Variants in PTPRT observed in about 807,000 individuals in gnomAD.
PTPRT encodes the protein receptor-type tyrosine-protein phosphatase T.
A neutral mutation model predicts 176.8 loss-of-function variants in PTPRT; 56 were observed. That is an observed-to-expected ratio of 0.32 (90% CI 0.26 to 0.40). The LOEUF is 0.40. Among genes scored for constraint, PTPRT ranks in the 10% least tolerant of loss-of-function variants. The pLI is 1.00. For synonymous variants in PTPRT, 783 were observed against 739.0 expected (o/e 1.06, Z -0.96); for missense variants, 1,540 against 1,908.2 (o/e 0.81, Z 3.60).
intron 15 of PTPRT, among the ~76,000 whole-genome samples, chr20:42,221,093 C>T (rs942357637): frequency 6.6e-6 from 1 of 152,138 alleles, no homozygotes; most frequent in Non-Finnish European, 1.5e-5. Flanking sequence ...CTCCGCTTCC[C>T]GGGTTCAAGA....
intron 1 of PTPRT, among the ~76,000 whole-genome samples, chr20:42,976,718 A>G (rs1982978679): frequency 6.6e-6 from 1 of 152,154 alleles, no homozygotes; most frequent in African/African-American, 2.4e-5. Flanking sequence ...GTTTATTATT[A>G]TGGAATACTA....
intron 7 of PTPRT, among the ~76,000 whole-genome samples, chr20:42,526,049 T>A (rs2072262712): frequency 6.6e-6 from 1 of 152,144 alleles, no homozygotes; most frequent in Admixed American, 6.5e-5. Flanking sequence ...ATTGATATGT[T>A]TGCTTGTACA....
At chr20:42,184,354 T>C (rs1018387723) in intron 16 of PTPRT, among the ~76,000 whole-genome samples, 14 of 152,176 alleles carry the variant, frequency 9.2e-5, no homozygotes, top group African/African-American at 3.4e-4. Context: ...AACTTCTCTA[T>C]GATGTTTTCT....
intron 21 of PTPRT, among the ~76,000 whole-genome samples, chr20:42,117,674 T>A (rs1987357705): frequency 6.6e-6 from 1 of 152,056 alleles, no homozygotes. Context: ...ATATTGACAA[T>A]ATCACTATTG....
At chr20:42,803,763 AG>A (rs567870367) in intron 2 of PTPRT, among the ~76,000 whole-genome samples, 87 of 152,338 alleles carry the variant, frequency 5.7e-4, no homozygotes, top group Non-Finnish European at 1.2e-3. Flanking sequence ...CATGTTGGCC[AG>A]GTTGGTCTAG....
rs144998689 is a variant in PTPRT at position 42,978,803 on chromosome 20, G to A, written c.89-92871C>T. Among the ~76,000 whole-genome samples, 194 of 152,268 alleles carry A rather than the reference G, an allele frequency of 1.3e-3. 2 individuals carry two copies. Among genetic ancestry groups the A allele is most frequent in the African/African-American group, 4.4e-3 (184 of 41,554 alleles). On this transcript the variant is annotated intron_variant, in intron 1 of 30. Transcript: ENST00000373187. Reference sequence around the variant, plus strand: ...GACAGTTTACGAATGCCATGGCAACGTCAGGAAGTTACCCTATATGGTCTA... The same window carrying A: ...GACAGTTTACGAATGCCATGGCAACATCAGGAAGTTACCCTATATGGTCTA...
At position 42,363,552 on chromosome 20, in the gene PTPRT, A is replaced by C. The variant is rs527399662; in HGVS notation, c.1561-11267T>G. ...TTCAAACTCCTGACCTCAGGTGATC[A>C]GCCCGCCTCGGCCTCCCAAAGTGCT... On this transcript the variant is annotated intron_variant, in intron 9 of 30. Transcript: ENST00000373187. Among the ~76,000 whole-genome samples, 12 of 151,524 alleles carry C rather than the reference A, an allele frequency of 7.9e-5. No homozygotes were observed. In the South Asian group the frequency reaches 1.7e-3, roughly 21 times the overall value.
chr20:42,497,999 T>C (rs1216641844), intron 7 of PTPRT, among the ~76,000 whole-genome samples: 1 of 152,160 alleles, frequency 6.6e-6, no homozygotes, highest in Non-Finnish European at 1.5e-5. Context: ...TCTTTTGTAA[T>C]GTCATGACTT....
At chr20:42,089,033 G>A (rs555442038) in intron 27 of PTPRT, among the ~76,000 whole-genome samples, 17 of 152,218 alleles carry the variant, frequency 1.1e-4, no homozygotes, top group African/African-American at 3.9e-4. Flanking sequence ...GCTTCAGAAC[G>A]CAATGATGCC....
chr20:43,091,562 C>A (rs2011873763), intron 1 of PTPRT, among the ~76,000 whole-genome samples: 4 of 151,732 alleles, frequency 2.6e-5, no homozygotes, highest in Non-Finnish European at 5.9e-5. Context: ...CACAAACACA[C>A]ACACATACAG....
chr20:42,575,574 T>C (rs780179221), intron 7 of PTPRT, among the ~76,000 whole-genome samples: 1 of 152,150 alleles, frequency 6.6e-6, no homozygotes. Flanking sequence ...AGACAAATAT[T>C]TTCTGTAAAG....
In PTPRT at chr20:42,352,228, C is replaced by A. The variant is rs2145524710; in HGVS notation, c.1618G>T (p.Gly540Trp). Residue 540 changes from glycine (G) to tryptophan (W), a missense_variant, in exon 10 of 31, where the codon GGG becomes TGG. By Grantham distance (184) the Gly-to-Trp change is radical. Transcript: ENST00000373187. ...DPSADLSSQR[G>W]KVFKLRNETH... ...TCATTCCGGAGCTTGAACACTTTCC[C>A]CCTCTGGCTCGAGAGGTCAGCACTT... The A allele has an allele frequency of 5.0e-6, 8 of 1,614,160 alleles. No individual in the cohort carries two copies. The highest frequency in any genetic ancestry group is 5.9e-6 in the Non-Finnish European group (7 of 1,180,038).
chr20:42,640,559 T>C (rs1241388051), intron 7 of PTPRT, among the ~76,000 whole-genome samples: 1 of 152,086 alleles, frequency 6.6e-6, no homozygotes, highest in African/African-American at 2.4e-5. Flanking sequence ...CAGCTAATTT[T>C]TTTATTTTTA....
intron 1 of PTPRT, among the ~76,000 whole-genome samples, chr20:43,098,780 C>T (rs1030547736): frequency 6.6e-6 from 1 of 152,184 alleles, no homozygotes; most frequent in Non-Finnish European, 1.5e-5. Context: ...ATGTTTTAAG[C>T]ATTCGCACTC....
chr20:42,169,424 G>T (rs921491532), intron 16 of PTPRT, among the ~76,000 whole-genome samples: 4 of 152,136 alleles, frequency 2.6e-5, no homozygotes, highest in Non-Finnish European at 5.9e-5. Context: ...TCTATGTAGG[G>T]ATGGGGGCTA....
At chr20:42,791,494 T>C in intron 2 of PTPRT, 28 bp from the exon 3 acceptor site, 1 of 1,586,382 alleles carries the variant, frequency 6.3e-7, no homozygotes, top group Non-Finnish European at 8.6e-7. Context: ...AGGTGGGAAG[T>C]AGAGACAAAG....
chr20:42,873,800 C>A (rs2078884879), intron 2 of PTPRT, among the ~76,000 whole-genome samples: 1 of 152,144 alleles, frequency 6.6e-6, no homozygotes, highest in Non-Finnish European at 1.5e-5. Context: ...CAAATGGGAC[C>A]TCAATGGATT....
chr20:42,406,824 A>C (rs970532121), intron 9 of PTPRT, among the ~76,000 whole-genome samples: 3 of 152,198 alleles, frequency 2.0e-5, no homozygotes, highest in African/African-American at 7.2e-5. Flanking sequence ...TCATCAACAA[A>C]TATATTAAGA....
chr20:43,036,793 A>T (rs1216716469), intron 1 of PTPRT, among the ~76,000 whole-genome samples: 3 of 152,250 alleles, frequency 2.0e-5, no homozygotes, highest in Admixed American at 2.0e-4. Context: ...TTGCAGTTAA[A>T]GCTGTATTCA....
Sources: gnomAD v4.1 joint callset for allele counts (sites outside exome capture counted in the v4.1 genomes callset) on GRCh38, gnomAD v4.1.1 for gene constraint, MANE v1.5 for transcripts, NCBI Gene and HGNC (gene_info 2026-07-23, HGNC 2026-07-21) for gene names.